Variants in MRFAP1L2 observed in about 807,000 individuals in gnomAD.
The protein encoded by MRFAP1L2 is MORF4 family-associated protein 1-like protein UPP.
At chr4:6,675,240 A>C in the MRFAP1L2 span, 1 of 152,312 alleles carries the variant, frequency 6.6e-6, no homozygotes, top group African/African-American at 2.4e-5. Context: ...GTAAAGGAAT[A>C]TGGCCTATAC....
At chr4:6,674,863 C>T in the MRFAP1L2 span, 4 of 347,646 alleles carry the variant, frequency 1.2e-5, no homozygotes, top group Non-Finnish European at 2.1e-5. Context: ...GAGATTGGAG[C>T]GTTTGCGATG....
chr4:6,674,802 G>A, the MRFAP1L2 span: 2 of 468,498 alleles, frequency 4.3e-6, no homozygotes, highest in South Asian at 3.4e-5. Flanking sequence ...TACGTGGGGG[G>A]AGAGAGGTGT....
At chr4:6,675,808 A>G in the MRFAP1L2 span, 7 of 152,178 alleles carry the variant, frequency 4.6e-5, no homozygotes, top group African/African-American at 1.4e-4. Context: ...TGAGGAAGGA[A>G]AGCTTCAAGC....
the MRFAP1L2 span, chr4:6,675,950 G>C: frequency 6.6e-6 from 1 of 152,204 alleles, no homozygotes; most frequent in African/African-American, 2.4e-5. Flanking sequence ...CTTGGAAAAA[G>C]AAATGCTGAA....
the MRFAP1L2 span, chr4:6,674,173 G>C: frequency 2.6e-6 from 1 of 389,256 alleles, no homozygotes; most frequent in Non-Finnish European, 4.5e-6. Flanking sequence ...CTGGTGAGCA[G>C]CCCCGGCGTG....
the MRFAP1L2 span, chr4:6,674,581 G>A: frequency 1.6e-6 from 1 of 631,050 alleles, no homozygotes; most frequent in Non-Finnish European, 2.8e-6. Flanking sequence ...GAGCCGGCGA[G>A]GCCGCGCGGG....
the MRFAP1L2 span, chr4:6,675,973 G>C: frequency 6.6e-6 from 1 of 152,212 alleles, no homozygotes; most frequent in Non-Finnish European, 1.5e-5. Context: ...CCAGTGTTTA[G>C]AATCTTTGTG....
the MRFAP1L2 span, chr4:6,674,451 A>G: frequency 4.6e-6 from 3 of 657,950 alleles, no homozygotes; most frequent in African/African-American, 3.8e-5. Flanking sequence ...CCGCGTGCGG[A>G]GGCTGAGGAG....
At chr4:6,674,397 A>T in the MRFAP1L2 span, 1 of 652,594 alleles carries the variant, frequency 1.5e-6, no homozygotes, top group Non-Finnish European at 2.7e-6. Context: ...ATCAAGAGTG[A>T]GGTGGAGGCA....
chr4:6,674,340 G>T, the MRFAP1L2 span: 1 of 632,606 alleles, frequency 1.6e-6, no homozygotes, highest in Non-Finnish European at 2.8e-6. Flanking sequence ...CGGGCGCACT[G>T]GCGGGCCCGC....
the MRFAP1L2 span, chr4:6,674,317 G>GC: frequency 1.6e-6 from 1 of 618,788 alleles, no homozygotes; most frequent in African/African-American, 1.9e-5. Flanking sequence ...CCTCCCTGGA[G>GC]CGCGAGCGCG....
At chr4:6,674,554 C>G in the MRFAP1L2 span, 23 of 660,694 alleles carry the variant, frequency 3.5e-5, no homozygotes, top group Non-Finnish European at 6.0e-5. Flanking sequence ...AGCGGATCGC[C>G]GGCTGCGAGT....
the MRFAP1L2 span, chr4:6,674,779 C>A: frequency 8.1e-6 from 4 of 490,954 alleles, no homozygotes; most frequent in Non-Finnish European, 1.4e-5. Flanking sequence ...AGGACGTAGA[C>A]CTGGTGGGTC....
chr4:6,674,850 T>C, the MRFAP1L2 span: 1 of 387,328 alleles, frequency 2.6e-6, no homozygotes, highest in Non-Finnish European at 4.6e-6. Context: ...TGAATGTTGT[T>C]ACGAGATTGG....
the MRFAP1L2 span, chr4:6,674,391 A>G: frequency 6.1e-6 from 4 of 652,124 alleles, no homozygotes; most frequent in Admixed American, 9.3e-5. Flanking sequence ...GACGCCATCA[A>G]GAGTGAGGTG....
the MRFAP1L2 span, chr4:6,674,859 G>A: frequency 2.8e-6 from 1 of 360,808 alleles, no homozygotes; most frequent in Non-Finnish European, 5.0e-6. Context: ...TTACGAGATT[G>A]GAGCGTTTGC....
chr4:6,674,259 C>G, the MRFAP1L2 span: 1 of 442,690 alleles, frequency 2.3e-6, no homozygotes, highest in Non-Finnish European at 3.9e-6. Flanking sequence ...CGCGAGGAGC[C>G]GGGCAGCCCG....
At chr4:6,674,648 A>G in the MRFAP1L2 span, 1 of 550,894 alleles carries the variant, frequency 1.8e-6, no homozygotes, top group Non-Finnish European at 3.2e-6. Flanking sequence ...GTAGGCAGGG[A>G]GGGGAGCGCA....
the MRFAP1L2 span, chr4:6,674,246 C>T: frequency 4.8e-6 from 2 of 420,222 alleles, no homozygotes; most frequent in Non-Finnish European, 8.3e-6. Context: ...GGCGCGGGAG[C>T]CCCGCGAGGA....
Sources: allele counts gnomAD v4.1 joint callset, GRCh38; gene constraint gnomAD v4.1.1; transcripts MANE v1.5; gene names NCBI Gene and HGNC (gene_info 2026-07-23, HGNC 2026-07-21).